The following CAPZB variants were observed in gnomAD, a reference collection of about 807,000 sequenced individuals.
CAPZB encodes capping actin protein of muscle Z-line subunit beta.
CAPZB carries 2 observed loss-of-function variants against 38.1 expected under a neutral mutation model. That is an observed-to-expected ratio of 0.05 (90% CI 0.02 to 0.17). The LOEUF (loss-of-function observed/expected upper bound fraction) is 0.17, where lower values mean the gene tolerates loss of function less well. Among genes scored for constraint, CAPZB ranks in the 10% least tolerant of loss-of-function variants. The probability of loss-of-function intolerance (pLI) is 1.00; values close to 1 mark genes in which losing one functional copy is unlikely to be tolerated. For missense variants in CAPZB, 161 were observed against 334.2 expected, an observed-to-expected ratio of 0.48 and a Z score of 4.04; for synonymous variants, 107 against 127.4, an observed-to-expected ratio of 0.84 and a Z score of 1.08.
intron 1 of CAPZB, among the ~76,000 whole-genome samples, chr1:19,474,434 G>A (rs975492557): frequency 3.9e-5 from 6 of 152,198 alleles, no homozygotes; most frequent in Non-Finnish European, 8.8e-5. Context: ...CAGCCACAGT[G>A]GGGTGTGGAT....
chr1:19,393,333 C>A (rs779240043), intron 2 of CAPZB, among the ~76,000 whole-genome samples: 1 of 152,162 alleles, frequency 6.6e-6, no homozygotes, highest in Non-Finnish European at 1.5e-5. Context: ...AAGTGGTACC[C>A]CTGAGTAACC....
At chr1:19,484,369 T>C (rs1377836243) in intron 1 of CAPZB, 4 of 1,545,240 alleles carry the variant, frequency 2.6e-6, no homozygotes, top group African/African-American at 1.4e-5. Flanking sequence ...CCTTGTCCTG[T>C]GGGCCACCCA....
intron 1 of CAPZB, among the ~76,000 whole-genome samples, chr1:19,463,586 T>A (rs2094559395): frequency 6.6e-6 from 1 of 152,220 alleles, no homozygotes; most frequent in African/African-American, 2.4e-5. Context: ...GAGCTGGAAC[T>A]GCCCAGGGTG....
At chr1:19,363,224 G>A (rs1476115652) in intron 4 of CAPZB, among the ~76,000 whole-genome samples, 2 of 149,844 alleles carry the variant, frequency 1.3e-5, no homozygotes, top group African/African-American at 2.5e-5. Context: ...TGGGACCACA[G>A]GCATGCACCA....
intron 1 of CAPZB, among the ~76,000 whole-genome samples, chr1:19,473,612 C>T (rs576532848): frequency 1.3e-5 from 2 of 152,282 alleles, no homozygotes; most frequent in Non-Finnish European, 2.9e-5. Context: ...ACCTGTAATC[C>T]CAGCACTTTG....
rs2093910870 is a variant in CAPZB, at chr1:19,338,843, TAAG to T, written c.*684_*686del. On this transcript the variant is annotated 3_prime_UTR_variant, in exon 9 of 9. Coordinates refer to ENST00000264202, the MANE Select transcript of CAPZB (RefSeq NM_004930.5). ...TTTTTTAAGTATGGAGGCTCAAGTA[TAAG>T]ATGTAGATTTTTTTCTTAAGCTTTA... 6.6e-6 allele frequency: 1 copy of T among 152,512 alleles called. No homozygotes were observed. The highest frequency in any genetic ancestry group is 1.5e-5 in the Non-Finnish European group (1 of 68,054). 9.4% of individuals were successfully genotyped at this position (152,512 alleles called of 1,614,324 possible).
chr1:19,366,283 A>AATAAATAAATATATATATAT (rs71008151), intron 4 of CAPZB, among the ~76,000 whole-genome samples: 8 of 60,500 alleles, frequency 1.3e-4, no homozygotes, highest in Admixed American at 5.1e-4. Flanking sequence ...CGTGTCTTAA[A>AATAAATAAATATATATATAT]ATATATATAT....
intron 6 of CAPZB, among the ~76,000 whole-genome samples, chr1:19,350,700 G>A (rs143752950): frequency 3.2e-3 from 482 of 150,076 alleles, no homozygotes; most frequent in African/African-American, 0.011. Flanking sequence ...CTGCAACCTC[G>A]GCCTCCCAGG....
At chr1:19,413,813 A>G (rs1052577261) in intron 2 of CAPZB, among the ~76,000 whole-genome samples, 2 of 152,188 alleles carry the variant, frequency 1.3e-5, no homozygotes, top group Admixed American at 6.5e-5. Flanking sequence ...AGGCAGGGGT[A>G]GTCGTCTTGG....
At chr1:19,460,023 A>G (rs2094545556) in intron 1 of CAPZB, among the ~76,000 whole-genome samples, 1 of 138,294 alleles carries the variant, frequency 7.2e-6, no homozygotes, top group African/African-American at 2.5e-5. Flanking sequence ...GAAGTTGCCA[A>G]ATGCTTCCTT....
chr1:19,372,399 A>T (rs2094123896), intron 4 of CAPZB, among the ~76,000 whole-genome samples: 1 of 152,228 alleles, frequency 6.6e-6, no homozygotes, highest in Non-Finnish European at 1.5e-5. Flanking sequence ...CTTTGGTCAG[A>T]ACATCTGGTC....
intron 1 of CAPZB, chr1:19,419,999 C>T (rs1341392247): frequency 6.4e-6 from 3 of 466,016 alleles, no homozygotes; most frequent in African/African-American, 4.0e-5. Context: ...TGGAAGCAGG[C>T]TGGAGACGTC....
intron 3 of CAPZB, among the ~76,000 whole-genome samples, chr1:19,379,370 A>G (rs2094161754): frequency 6.6e-6 from 1 of 152,130 alleles, no homozygotes; most frequent in Non-Finnish European, 1.5e-5. Flanking sequence ...AAGTGCTGGG[A>G]TTATAGGTGT....
intron 7 of CAPZB, 80 bp downstream of exon 7, chr1:19,345,107 A>C: frequency 9.6e-7 from 1 of 1,043,216 alleles, no homozygotes; most frequent in Non-Finnish European, 1.5e-6. Context: ...GCAGAGAAGG[A>C]GGCCAGCACA....
intron 1 of CAPZB, among the ~76,000 whole-genome samples, chr1:19,466,411 G>A (rs1548158): frequency 1 from 152,173 of 152,344 alleles, 76,001 homozygotes; most frequent in Middle Eastern, 1. Flanking sequence ...GAGCTGCAAC[G>A]TTTTTCAATC....
chr1:19,369,734 A>C (rs2094109963), intron 4 of CAPZB, among the ~76,000 whole-genome samples: 1 of 152,170 alleles, frequency 6.6e-6, no homozygotes, highest in Non-Finnish European at 1.5e-5. Flanking sequence ...GAGAACACAG[A>C]CCTCGCTGAA....
intron 2 of CAPZB, among the ~76,000 whole-genome samples, chr1:19,391,798 C>A (rs1307292748): frequency 6.6e-6 from 1 of 152,188 alleles, no homozygotes; most frequent in African/African-American, 2.4e-5. Flanking sequence ...CCGCTCCAGG[C>A]CCGTGTCAGG....
At chr1:19,423,036 C>T (rs1157012400) in intron 1 of CAPZB, among the ~76,000 whole-genome samples, 1 of 126,398 alleles carries the variant, frequency 7.9e-6, no homozygotes, top group Non-Finnish European at 1.6e-5. Context: ...ATGCTGATCA[C>T]ATCCCCACCC....
At chr1:19,445,744 G>A (rs1004623787) in intron 1 of CAPZB, among the ~76,000 whole-genome samples, 2 of 152,212 alleles carry the variant, frequency 1.3e-5, no homozygotes, top group African/African-American at 4.8e-5. Flanking sequence ...GGTGTTCTGG[G>A]GGTGATGGAA....
Sources: allele counts gnomAD v4.1 joint callset (sites outside exome capture counted in the v4.1 genomes callset), GRCh38; gene constraint gnomAD v4.1.1; transcripts MANE v1.5; gene names NCBI Gene and HGNC (gene_info 2026-07-23, HGNC 2026-07-21).